The following ACSBG2 variants were observed in gnomAD, a reference collection of about 807,000 sequenced individuals.
ACSBG2 encodes long-chain-fatty-acid--CoA ligase ACSBG2.
ACSBG2 carries 62 observed loss-of-function variants against 74.7 expected under a neutral mutation model. The ratio of observed to expected loss-of-function variants is 0.83; its 90% CI spans 0.68 to 1.03. The LOEUF is 1.03. Ranked by LOEUF, ACSBG2 falls within the 50% of genes least tolerant of loss-of-function variation. The pLI is 0.00. For synonymous variants in ACSBG2, 309 were observed against 294.1 expected, an observed-to-expected ratio of 1.05 and a Z score of -0.52; for missense variants, 730 against 817.6, an observed-to-expected ratio of 0.89 and a Z score of 1.31.
rs2090530192 is a variant in ACSBG2, at chr19:6,190,432, A to G, written c.1928-152A>G. ...CACATGGAAGTTTTATCATCCCCAT[A>G]CAGATGGCAAAAGTTACACACCCTG... is the stretch of plus-strand genomic sequence containing the variant. On this transcript the variant is annotated intron_variant, in intron 13 of 14. Transcript: ENST00000588485. 9.5e-6 allele frequency: 6 copies of G among 629,710 alleles called. No individual in the cohort carries two copies. In the East Asian group the frequency reaches 1.7e-4, roughly 18 times the overall value. The allele number at this position is 629,710 out of a possible 1,614,324, so 39.0% of individuals were successfully genotyped here.
chr19:6,187,879 T>C, intron 13 of ACSBG2, 34 bp downstream of exon 13: 1 of 1,606,856 alleles, frequency 6.2e-7, no homozygotes, highest in Non-Finnish European at 8.5e-7. Flanking sequence ...GCTGGTCCCT[T>C]GTTAGCATCT....
At chr19:6,147,774 A>G in intron 3 of ACSBG2, 99 bp downstream of exon 3, 1 of 1,371,512 alleles carries the variant, frequency 7.3e-7, no homozygotes, top group Non-Finnish European at 1.0e-6. Flanking sequence ...GCACCAAAAG[A>G]TACAAAGGTT....
In ACSBG2 at chr19:6,177,325, C is replaced by A. The variant is rs758436594; in HGVS notation, c.835C>A (p.Gln279Lys). 1 of 1,613,600 alleles carries A rather than the reference C, an allele frequency of 6.2e-7. No homozygotes were observed. Among genetic ancestry groups the A allele is most frequent in the Non-Finnish European group, 8.5e-7 (1 of 1,179,874 alleles). ...CCTCCCACTCAGCCATATTGCAGCACAGATGATGGACATCTGGGTACCCAT... is the reference window on the plus strand; with the variant it reads ...CCTCCCACTCAGCCATATTGCAGCAAAGATGATGGACATCTGGGTACCCAT... ...SYLPLSHIAAQMMDIWVPIKI... is the reference protein window; with the variant it reads ...SYLPLSHIAAKMMDIWVPIKI... The change falls in exon 8 of 15, where the codon CAG becomes AAG. Residue 279 changes from glutamine to lysine, a missense_variant. Transcript: ENST00000588485.
At chr19:6,154,359 T>C (rs973742499) in intron 4 of ACSBG2, among the ~76,000 whole-genome samples, 5 of 145,194 alleles carry the variant, frequency 3.4e-5, no homozygotes, top group African/African-American at 1.3e-4. Context: ...GATCATGCCA[T>C]TGCAATCCAG....
rs990449473 is a variant in ACSBG2 at position 6,180,422 on chromosome 19, C to T, written c.907-2329C>T. Among the ~76,000 whole-genome samples the T allele has an allele frequency of 6.6e-6, 1 of 152,130 alleles. No homozygotes were observed. The highest frequency in any genetic ancestry group is 2.4e-5 in the African/African-American group (1 of 41,424). On this transcript the variant is annotated intron_variant, in intron 8 of 14. Transcript: ENST00000588485. The surrounding 1 kb of genome is among the most constrained non-coding windows in gnomAD (Gnocchi z 4.3). ...TCTCTGCTAAATATTTCCTTGGCCCCTCTCAATCCCTCTCATATGCCCCAT... is the reference window on the plus strand; with the variant it reads ...TCTCTGCTAAATATTTCCTTGGCCCTTCTCAATCCCTCTCATATGCCCCAT...
At chr19:6,140,132 G>A (rs560410102) in intron 1 of ACSBG2, among the ~76,000 whole-genome samples, 2 of 151,550 alleles carry the variant, frequency 1.3e-5, no homozygotes, top group African/African-American at 4.8e-5. Context: ...GGCTGAGGCA[G>A]GAGAATGGCG....
intron 5 of ACSBG2, chr19:6,160,667 G>A (rs1319525362): frequency 1.3e-5 from 2 of 151,512 alleles, no homozygotes; most frequent in African/African-American, 2.4e-5. Context: ...GTGTTGTCTC[G>A]GGCAGACTAT....
At chr19:6,142,351 G>A (rs2088873013) in intron 2 of ACSBG2, among the ~76,000 whole-genome samples, 2 of 152,144 alleles carry the variant, frequency 1.3e-5, no homozygotes, top group Non-Finnish European at 2.9e-5. Context: ...AGACAGCTCT[G>A]ATACCAGTGG....
At chr19:6,175,352 C>A (rs915952677) in intron 7 of ACSBG2, 3 of 152,234 alleles carry the variant, frequency 2.0e-5, no homozygotes, top group Admixed American at 6.6e-5. Flanking sequence ...GAAACAGCAG[C>A]AAACAAGACA....
intron 7 of ACSBG2, among the ~76,000 whole-genome samples, chr19:6,171,705 T>G (rs2089971929): frequency 2.0e-5 from 3 of 152,136 alleles, no homozygotes; most frequent in Admixed American, 6.6e-5. Context: ...GTGGCCATAT[T>G]GTGTAGCATC....
intron 8 of ACSBG2, among the ~76,000 whole-genome samples, chr19:6,178,897 G>A (rs1023894496): frequency 4.6e-5 from 7 of 152,174 alleles, no homozygotes; most frequent in African/African-American, 1.7e-4. Flanking sequence ...ACTTCAGACT[G>A]ATCCCATAGG....
chr19:6,186,330 G>A (rs944665039), intron 11 of ACSBG2, among the ~76,000 whole-genome samples: 3 of 152,130 alleles, frequency 2.0e-5, no homozygotes, highest in Non-Finnish European at 4.4e-5. Context: ...AATGGGTGTG[G>A]CCAGCTGCCA....
In ACSBG2 at chr19:6,158,888, G is replaced by A. The variant is rs1248257845; in HGVS notation, c.508-2327G>A. 3.9e-5 allele frequency among the ~76,000 whole-genome samples: 6 copies of A among 152,076 alleles called. No individual in the cohort carries two copies. In the East Asian group the frequency reaches 1.2e-3, roughly 29 times the overall value. On this transcript the variant is annotated intron_variant, in intron 5 of 14. Transcript: ENST00000588485. ...TTCCTGACTTGGTTCAGGAAGGACA[G>A]ACCTCCACCTCTGGCCTAGAGCTTT...
rs750344868 is a variant in ACSBG2 at position 6,187,852 on chromosome 19, G to A, written c.1927+7G>A. 1.1e-5 allele frequency: 18 copies of A among 1,613,270 alleles called. No individual in the cohort carries two copies. Among genetic ancestry groups the A allele is most frequent in the Non-Finnish European group, 1.5e-5 (18 of 1,179,542 alleles). Reference sequence around the variant, plus strand: ...ATCTATGGTGGAGAGCTAGGTGAGTGGCCATGACATTTGGAGGCTGGTCCC... The same window carrying A: ...ATCTATGGTGGAGAGCTAGGTGAGTAGCCATGACATTTGGAGGCTGGTCCC... On this transcript the variant is annotated splice_region_variant and intron_variant, in intron 13 of 14. Coordinates refer to ENST00000588485, the MANE Select transcript of ACSBG2 (RefSeq NM_030924.5).
intron 2 of ACSBG2, among the ~76,000 whole-genome samples, chr19:6,144,611 C>T (rs775635182): frequency 6.6e-6 from 1 of 152,186 alleles, no homozygotes; most frequent in Non-Finnish European, 1.5e-5. Context: ...TTCAGACACC[C>T]GGTCTGGGGC....
intron 3 of ACSBG2, among the ~76,000 whole-genome samples, chr19:6,149,919 C>T (rs753739213): frequency 1.3e-4 from 19 of 151,462 alleles, no homozygotes; most frequent in South Asian, 6.2e-4. Context: ...GCTGGGATTA[C>T]AGGCGTGAGC....
chr19:6,171,791 C>A (rs1015929590), intron 7 of ACSBG2, among the ~76,000 whole-genome samples: 3 of 152,088 alleles, frequency 2.0e-5, no homozygotes, highest in Non-Finnish European at 2.9e-5. Context: ...TCCTGTATTA[C>A]TCCCTCAAAT....
At chr19:6,149,823 A>G (rs1600025582) in intron 3 of ACSBG2, among the ~76,000 whole-genome samples, 1 of 140,404 alleles carries the variant, frequency 7.1e-6, no homozygotes, top group Non-Finnish European at 1.5e-5. Flanking sequence ...AGATCCACCC[A>G]CCTCGGCCTC....
chr19:6,177,980 G>A (rs572490852), intron 8 of ACSBG2, among the ~76,000 whole-genome samples: 1 of 151,928 alleles, frequency 6.6e-6, no homozygotes, highest in African/African-American at 2.4e-5. Flanking sequence ...AGCAAAGTCT[G>A]ATCTGAATTG....
Sources: allele counts gnomAD v4.1 joint callset (sites outside exome capture counted in the v4.1 genomes callset), GRCh38; gene constraint gnomAD v4.1.1; non-coding constraint Gnocchi (gnomAD v3.1); transcripts MANE v1.5; gene names NCBI Gene and HGNC (gene_info 2026-07-23, HGNC 2026-07-21).